Variants in EYA2 observed in about 807,000 individuals in gnomAD.
EYA2 encodes protein phosphatase EYA2.
EYA2 carries 31 observed loss-of-function variants against 69.2 expected under a neutral mutation model. The ratio of observed to expected loss-of-function variants is 0.45; its 90% CI spans 0.34 to 0.60. EYA2 has a LOEUF of 0.60. EYA2 is among the 20% of genes least tolerant of loss of function. EYA2 has a pLI of 0.02. For synonymous variants in EYA2, 257 were observed against 279.4 expected (o/e 0.92, Z 0.80); for missense variants, 622 against 701.2 (o/e 0.89, Z 1.28).
intron 8 of EYA2, among the ~76,000 whole-genome samples, chr20:47,092,746 G>A (rs995527460): frequency 1.3e-5 from 2 of 152,180 alleles, no homozygotes; most frequent in Admixed American, 6.5e-5. Context: ...CCACTGGCAA[G>A]AACCATTGAA....
chr20:47,183,484 C>T (rs1324758265), intron 15 of EYA2, 93 bp downstream of exon 15: 5 of 1,157,048 alleles, frequency 4.3e-6, no homozygotes, highest in South Asian at 3.0e-5. Flanking sequence ...CTCCACTCCC[C>T]GTGGCTGGCT....
chr20:46,898,394 AACACAC>A (rs3085766), intron 1 of EYA2, among the ~76,000 whole-genome samples: 2,605 of 146,536 alleles, frequency 0.018, 83 homozygotes, highest in African/African-American at 0.061. Context: ...GTTGACAGAA[AACACAC>A]ACACACACAC....
chr20:47,076,146 G>C (rs534008162), intron 7 of EYA2, among the ~76,000 whole-genome samples: 40 of 152,304 alleles, frequency 2.6e-4, no homozygotes, highest in African/African-American at 9.6e-4. Flanking sequence ...ATTGTGAATA[G>C]TGCTGCAATG....
chr20:47,030,975 A>G (rs987793618), intron 5 of EYA2, among the ~76,000 whole-genome samples: 1 of 150,876 alleles, frequency 6.6e-6, no homozygotes, highest in Non-Finnish European at 1.5e-5. Flanking sequence ...TTTAATCTTC[A>G]TTACTACTCT....
At chr20:47,023,503 T>A (rs781144706) in intron 5 of EYA2, among the ~76,000 whole-genome samples, 1 of 152,178 alleles carries the variant, frequency 6.6e-6, no homozygotes, top group Non-Finnish European at 1.5e-5. Flanking sequence ...TGTCTGATGT[T>A]CCACACCACT....
intron 1 of EYA2, among the ~76,000 whole-genome samples, chr20:46,898,111 G>C (rs780287067): frequency 6.6e-6 from 1 of 152,026 alleles, no homozygotes; most frequent in Non-Finnish European, 1.5e-5. Flanking sequence ...GGGAGAATTC[G>C]CCTAATGATG....
intron 9 of EYA2, among the ~76,000 whole-genome samples, chr20:47,103,708 A>G (rs6018276): frequency 0.36 from 54,747 of 151,036 alleles, 10,605 homozygotes; most frequent in East Asian, 0.43. Flanking sequence ...CACCCCTATG[A>G]TCCAATCACC....
At chr20:46,992,198 C>T (rs970740446) in intron 2 of EYA2, among the ~76,000 whole-genome samples, 2 of 152,182 alleles carry the variant, frequency 1.3e-5, no homozygotes, top group South Asian at 2.1e-4. Flanking sequence ...AACAAACACT[C>T]GGCACTTGTC....
At chr20:47,146,319 G>A (rs1301938152) in intron 10 of EYA2, among the ~76,000 whole-genome samples, 2 of 152,152 alleles carry the variant, frequency 1.3e-5, no homozygotes, top group South Asian at 4.1e-4. Flanking sequence ...GCGCCTTGTG[G>A]ATCTTGGTTG....
At chr20:47,063,392 C>CGTGTGTGTGTGTGTGTGTGTGTGTGT in intron 5 of EYA2, among the ~76,000 whole-genome samples, 1 of 143,372 alleles carries the variant, frequency 7.0e-6, no homozygotes, top group Non-Finnish European at 1.5e-5. Flanking sequence ...TGTGCGTGTG[C>CGTGTGTGTGTGTGTGTGTGTGTGTGT]GTGTGTGTGT....
intron 1 of EYA2, among the ~76,000 whole-genome samples, chr20:46,955,800 C>T (rs761259248): frequency 2.6e-5 from 4 of 152,176 alleles, no homozygotes; most frequent in Non-Finnish European, 5.9e-5. Flanking sequence ...TTATATGTTA[C>T]AATCTTAATC....
chr20:47,137,433 T>G lies in EYA2; in HGVS notation c.889-5626T>G, dbSNP rs183774468. 5.4e-4 allele frequency among the ~76,000 whole-genome samples: 83 copies of G among 152,334 alleles called. 1 individual carries two copies. The East Asian group carries it at 0.015, about 27-fold the overall frequency. ...GTGCTTCCACACGTGCTGTCTGATT[T>G]AATCCTCACTGCAATGTTAGGTCTT... On this transcript the variant is annotated intron_variant, in intron 9 of 15. Coordinates refer to ENST00000327619, the MANE Select transcript of EYA2 (RefSeq NM_005244.5).
chr20:47,020,594 A>AG (rs957612472), intron 5 of EYA2, among the ~76,000 whole-genome samples: 2 of 152,022 alleles, frequency 1.3e-5, no homozygotes, highest in Admixed American at 6.5e-5. Context: ...GATTAAAAAG[A>AG]GGGGGAAAAA....
intron 9 of EYA2, among the ~76,000 whole-genome samples, chr20:47,115,414 C>A (rs1224098664): frequency 6.6e-6 from 1 of 152,176 alleles, no homozygotes; most frequent in African/African-American, 2.4e-5. Flanking sequence ...CTTCATCCTT[C>A]TTTTTTACTC....
chr20:47,112,609 T>G (rs1162966368), intron 9 of EYA2, among the ~76,000 whole-genome samples: 2 of 152,070 alleles, frequency 1.3e-5, no homozygotes, highest in African/African-American at 2.4e-5. Flanking sequence ...GAAGACTTCC[T>G]GTAAAAGGAA....
intron 5 of EYA2, among the ~76,000 whole-genome samples, chr20:47,022,577 G>T (rs1412197818): frequency 6.6e-6 from 1 of 151,468 alleles, no homozygotes. Context: ...GCCCCCCAGA[G>T]TGCTGGGATT....
At chr20:47,033,708 A>G (rs1984544542) in intron 5 of EYA2, among the ~76,000 whole-genome samples, 1 of 152,232 alleles carries the variant, frequency 6.6e-6, no homozygotes, top group South Asian at 2.1e-4. Flanking sequence ...AGAGCATTCA[A>G]TGGCCAATAC....
intron 1 of EYA2, among the ~76,000 whole-genome samples, chr20:46,977,306 G>C (rs1212348600): frequency 6.6e-6 from 1 of 152,114 alleles, no homozygotes; most frequent in Non-Finnish European, 1.5e-5. Context: ...ATGTTATTTG[G>C]GTAACCAAAA....
chr20:46,972,084 A>G (rs973843285), intron 1 of EYA2, among the ~76,000 whole-genome samples: 1 of 152,234 alleles, frequency 6.6e-6, no homozygotes, highest in South Asian at 2.1e-4. Context: ...GTTTAACAAT[A>G]TGATCAAGAA....
Sources: allele counts gnomAD v4.1 joint callset (sites outside exome capture counted in the v4.1 genomes callset), GRCh38; gene constraint gnomAD v4.1.1; transcripts MANE v1.5; gene names NCBI Gene and HGNC (gene_info 2026-07-23, HGNC 2026-07-21).